Variants in CHD1L observed in about 807,000 individuals in gnomAD.
CHD1L encodes chromodomain helicase DNA binding protein 1 like.
Under a neutral mutation model 115.9 loss-of-function variants are expected in CHD1L, and 118 were observed. The observed-to-expected ratio is 1.02, with a 90% CI of 0.88 to 1.19. The LOEUF is 1.19. Among genes scored for constraint, CHD1L ranks in the 50% most tolerant of loss-of-function variants. The probability of loss-of-function intolerance (pLI) is 0.00; values close to 1 mark genes in which losing one functional copy is unlikely to be tolerated. For missense variants in CHD1L, 1,179 were observed against 1,065.3 expected (o/e 1.11, Z -1.49); for synonymous variants, 411 against 387.1 (o/e 1.06, Z -0.72).
At chr1:147,194,017 T>G in the CHD1L span, among the ~76,000 whole-genome samples, 1 of 152,156 alleles carries the variant, frequency 6.6e-6, no homozygotes, top group African/African-American at 2.4e-5. Context: ...TAGATGTCTA[T>G]TAGGTCTGCT....
chr1:147,180,787 T>A, the CHD1L span, among the ~76,000 whole-genome samples: 1 of 152,156 alleles, frequency 6.6e-6, no homozygotes, highest in Non-Finnish European at 1.5e-5. Context: ...CAGATACAGG[T>A]CCACCTCTCC....
the CHD1L span, among the ~76,000 whole-genome samples, chr1:147,191,896 CT>C: frequency 2.6e-5 from 4 of 152,212 alleles, no homozygotes; most frequent in African/African-American, 9.6e-5. Context: ...CAGTACCATG[CT>C]GTTTTGGTTA....
At chr1:147,201,618 G>C in the CHD1L span, 1 of 726,454 alleles carries the variant, frequency 1.4e-6, no homozygotes, top group Non-Finnish European at 2.3e-6. Flanking sequence ...CTTCCCCTTG[G>C]TCTATGCATG....
intron 1 of CHD1L, among the ~76,000 whole-genome samples, chr1:147,246,150 A>C (rs1301894782): frequency 1.3e-5 from 2 of 152,184 alleles, no homozygotes; most frequent in Admixed American, 6.5e-5. Context: ...AAATCATACA[A>C]TATGTAGCCT....
the CHD1L span, chr1:147,205,064 G>A: frequency 1.2e-4 from 73 of 629,616 alleles, no homozygotes; most frequent in Non-Finnish European, 1.8e-4. Context: ...AGCCATACCA[G>A]ACTACATGCA....
At chr1:147,224,988 G>A in the CHD1L span, 1 of 1,613,854 alleles carries the variant, frequency 6.2e-7, no homozygotes, top group Non-Finnish European at 8.5e-7. Flanking sequence ...AAGAGAGCCC[G>A]CTCACTCCTC....
At chr1:147,259,258 T>G (rs1671122186) in intron 5 of CHD1L, 1 of 152,196 alleles carries the variant, frequency 6.6e-6, no homozygotes, top group South Asian at 2.1e-4. Flanking sequence ...ACTAATGACT[T>G]CCATGTCAAC....
At chr1:147,241,875 C>T (rs1664934177), upstream of CHD1L, among the ~76,000 whole-genome samples, 1 of 152,158 alleles carries the variant, frequency 6.6e-6, no homozygotes, top group Admixed American at 6.5e-5. Flanking sequence ...ATTACCATTA[C>T]AAGTCCCAAT....
At chr1:147,254,475 C>A (rs1350697530) in intron 2 of CHD1L, among the ~76,000 whole-genome samples, 1 of 152,114 alleles carries the variant, frequency 6.6e-6, no homozygotes. Flanking sequence ...GGCCACCATG[C>A]GATTGGCCGT....
At chr1:147,284,599 T>G (rs1682323420) in intron 16 of CHD1L, 100 bp downstream of exon 16, 1 of 1,080,182 alleles carries the variant, frequency 9.3e-7, no homozygotes, top group South Asian at 1.9e-5. Flanking sequence ...TTAGGATGAT[T>G]TGTCAAGAAA....
At chr1:147,194,215 G>A in the CHD1L span, among the ~76,000 whole-genome samples, 1 of 152,118 alleles carries the variant, frequency 6.6e-6, no homozygotes, top group African/African-American at 2.4e-5. Flanking sequence ...TATATATTTA[G>A]GATAGTTAGG....
chr1:147,232,646 G>A, the CHD1L span, among the ~76,000 whole-genome samples: 27 of 152,132 alleles, frequency 1.8e-4, no homozygotes, highest in African/African-American at 5.8e-4. Flanking sequence ...TTGCAGGCAC[G>A]CGCCGCCACG....
At chr1:147,245,324 C>A (rs189516858) in intron 1 of CHD1L, among the ~76,000 whole-genome samples, 1 of 152,192 alleles carries the variant, frequency 6.6e-6, no homozygotes, top group Admixed American at 6.5e-5. Flanking sequence ...TCCCACTTAG[C>A]TACTACCTCA....
In CHD1L at chr1:147,293,608, T is replaced by C. The variant is rs1553972869; in HGVS notation, c.2392T>C (p.Leu798=). The C allele has an allele frequency of 6.2e-7, 1 of 1,613,626 alleles. No individual in the cohort carries two copies. The highest frequency in any genetic ancestry group is 2.2e-5 in the East Asian group (1 of 44,894). The change falls in exon 21 of 23, where the codon TTG becomes CTG. Residue 798 remains leucine (L), a splice_region_variant and synonymous_variant. Transcript: ENST00000369258. ...GTCATCTAATGGTGGTTCTTTCCAGTTGGCCTTGATTGTGGCTCAGCATCG... is the reference window on the plus strand; with the variant it reads ...GTCATCTAATGGTGGTTCTTTCCAGCTGGCCTTGATTGTGGCTCAGCATCG... ...KESRNKGQDL[L]ALIVAQHRDR... is the part of the protein sequence containing the mutation.
chr1:147,201,544 A>G, the CHD1L span: 1 of 1,517,298 alleles, frequency 6.6e-7, no homozygotes, highest in Non-Finnish European at 9.1e-7. Context: ...AAATGAGAGA[A>G]AGAGAAATCA....
chr1:147,220,509 G>A, the CHD1L span, among the ~76,000 whole-genome samples: 1 of 152,150 alleles, frequency 6.6e-6, no homozygotes, highest in Non-Finnish European at 1.5e-5. Flanking sequence ...TTAATAGTGG[G>A]CTGTGCATAG....
the CHD1L span, among the ~76,000 whole-genome samples, chr1:147,216,459 C>A: frequency 1.3e-5 from 2 of 152,102 alleles, no homozygotes; most frequent in African/African-American, 4.8e-5. Flanking sequence ...TGGGAAGATA[C>A]ACAGGAAAGA....
chr1:147,263,339 A>G (rs1672652731), intron 6 of CHD1L, among the ~76,000 whole-genome samples: 1 of 151,612 alleles, frequency 6.6e-6, no homozygotes, highest in Middle Eastern at 3.2e-3. Context: ...CTGAAGTGGG[A>G]AGATCACTTG....
the CHD1L span, among the ~76,000 whole-genome samples, chr1:147,198,605 C>T: frequency 6.6e-6 from 1 of 151,686 alleles, no homozygotes; most frequent in African/African-American, 2.4e-5. Context: ...AATCCCAGCA[C>T]TTTGGGAGGC....
Sources: gnomAD v4.1 joint callset for allele counts (sites outside exome capture counted in the v4.1 genomes callset) on GRCh38, gnomAD v4.1.1 for gene constraint, MANE v1.5 for transcripts, NCBI Gene and HGNC (gene_info 2026-07-23, HGNC 2026-07-21) for gene names.